The following EED variants were observed in gnomAD, a reference collection of about 807,000 sequenced individuals.
EED encodes the protein embryonic ectoderm development.
In EED, 9 loss-of-function variants were observed where a neutral mutation model predicts 61.0. That is an observed-to-expected ratio of 0.15 (90% CI 0.09 to 0.26). EED has a LOEUF of 0.26. EED is among the 10% of genes least tolerant of loss of function. EED has a pLI of 1.00. For missense variants in EED, 315 were observed against 542.3 expected (o/e 0.58, Z 4.16); for synonymous variants, 187 against 174.4 (o/e 1.07, Z -0.57).
chr11:86,286,197 A>ATT, the EED span, among the ~76,000 whole-genome samples: 1 of 143,988 alleles, frequency 6.9e-6, no homozygotes, highest in Non-Finnish European at 1.5e-5. Context: ...CAGCCAGCTA[A>ATT]TTTTTTTTTT....
chr11:86,250,458 A>G lies in EED; in HGVS notation c.267+10A>G, dbSNP rs749687993. 6.4e-7 allele frequency: 1 copy of G among 1,564,404 alleles called. No homozygotes were observed. The highest frequency in any genetic ancestry group is 1.2e-5 in the South Asian group (1 of 83,606). ...TGTAAATAGTCTCAAGGTATGTGCA[A>G]AAAAAGATCCTTTGGGCTGAATGCT... On this transcript the variant is annotated intron_variant, in intron 2 of 11. Transcript: ENST00000263360.
chr11:86,279,401 A>G (rs976242467), downstream of EED, among the ~76,000 whole-genome samples: 1 of 152,150 alleles, frequency 6.6e-6, no homozygotes, highest in African/African-American at 2.4e-5. Context: ...ACTGGCTAAG[A>G]GGGATTAAGT....
At position 86,277,750 on chromosome 11, in the gene EED, C is replaced by G. The variant is rs989697973; in HGVS notation, c.1126-168C>G. ...AGACACTTGTGATGTATTAATTGCT[C>G]TTATTCATATTTACGAATCAGGAGT... is the stretch of plus-strand genomic sequence containing the variant. On this transcript the variant is annotated intron_variant, in intron 10 of 11. Transcript: ENST00000263360. The G allele has an allele frequency of 1.7e-5, 8 of 469,058 alleles. No homozygotes were observed. In the Admixed American group the frequency reaches 2.7e-4, roughly 16 times the overall value. 29.1% of individuals were successfully genotyped at this position (469,058 alleles called of 1,614,324 possible).
intron 4 of EED, among the ~76,000 whole-genome samples, chr11:86,255,511 T>C (rs1945646423): frequency 6.6e-6 from 1 of 152,118 alleles, no homozygotes; most frequent in Non-Finnish European, 1.5e-5. Context: ...AAAGAATCCA[T>C]TGTGGGATGG....
chr11:86,253,884 C>T (rs1196758039), intron 3 of EED, among the ~76,000 whole-genome samples: 1 of 151,302 alleles, frequency 6.6e-6, no homozygotes, highest in Non-Finnish European at 1.5e-5. Flanking sequence ...CCTGTCTCTA[C>T]TAAAAACACA....
chr11:86,260,232 T>A (rs565056238), intron 6 of EED, among the ~76,000 whole-genome samples: 70 of 152,308 alleles, frequency 4.6e-4, no homozygotes, highest in Middle Eastern at 3.4e-3. Context: ...TTCTTTTTTT[T>A]AAATACTGTT....
chr11:86,271,839 C>T (rs1334831089), intron 9 of EED, among the ~76,000 whole-genome samples: 1 of 150,956 alleles, frequency 6.6e-6, no homozygotes, highest in African/African-American at 2.4e-5. Flanking sequence ...TACATTCCTA[C>T]TTGATCATCC....
chr11:86,250,603 C>T (rs989515256), intron 2 of EED, among the ~76,000 whole-genome samples, 155 bp downstream of exon 2: 1 of 151,336 alleles, frequency 6.6e-6, no homozygotes, highest in Admixed American at 6.6e-5. Flanking sequence ...GTTCAGACTG[C>T]GTATCTATTT....
At chr11:86,286,779 T>G in the EED span, among the ~76,000 whole-genome samples, 3 of 152,092 alleles carry the variant, frequency 2.0e-5, no homozygotes, top group South Asian at 6.2e-4. Flanking sequence ...GAGACTATCC[T>G]GGCTAACACG....
chr11:86,259,543 C>G (rs1460513736), intron 6 of EED, among the ~76,000 whole-genome samples: 2 of 152,140 alleles, frequency 1.3e-5, no homozygotes, highest in Non-Finnish European at 2.9e-5. Flanking sequence ...TCCTCAAACT[C>G]CTGGCCTCAA....
In EED at chr11:86,276,776, A is replaced by C. The variant is rs17210343; in HGVS notation, c.967-204A>C. 0.048 allele frequency: 18,398 copies of C among 381,582 alleles called. 560 individuals are homozygous for C. Among genetic ancestry groups the C allele is most frequent in the East Asian group, 0.097 (2,510 of 25,848 alleles). The allele number at this position is 381,582 out of a possible 1,614,324, so 23.6% of individuals were successfully genotyped here. A position where few individuals can be genotyped will look rare whatever the true frequency, so the allele number is the denominator to read the frequency against. ...ACAATGTGATTCTTTTGTATTATCG[A>C]ATTCTGTTGATAATCAGATTTCTTG... On this transcript the variant is annotated intron_variant, in intron 9 of 11. Coordinates refer to ENST00000263360, the MANE Select transcript of EED (RefSeq NM_003797.5).
chr11:86,250,873 C>T (rs1188303082), intron 2 of EED, among the ~76,000 whole-genome samples: 1 of 151,654 alleles, frequency 6.6e-6, no homozygotes. Context: ...AGTTTCTGTC[C>T]TTTGTTTTAT....
intron 6 of EED, among the ~76,000 whole-genome samples, chr11:86,258,895 C>T (rs1365918459): frequency 1.3e-5 from 2 of 149,050 alleles, no homozygotes; most frequent in Non-Finnish European, 3.0e-5. Flanking sequence ...GAGACAGAGT[C>T]TTGCTTTGGC....
At chr11:86,283,319 A>G (rs1946344364), downstream of EED, among the ~76,000 whole-genome samples, 1 of 152,180 alleles carries the variant, frequency 6.6e-6, no homozygotes. Context: ...TAGATATTGC[A>G]ATTTTCAGGT....
chr11:86,264,426 A>G (rs1282336687), intron 7 of EED, 163 bp downstream of exon 7: 9 of 480,014 alleles, frequency 1.9e-5, no homozygotes, highest in Non-Finnish European at 3.0e-5. Context: ...AAGGAATAAA[A>G]CAAGTAAAGA....
At chr11:86,277,887 A>G in intron 10 of EED, 31 bp from the exon 11 acceptor site, 1 of 1,500,726 alleles carries the variant, frequency 6.7e-7, no homozygotes, top group Non-Finnish European at 8.8e-7. Context: ...AATTTTATTA[A>G]TTTGATGTTT....
chr11:86,275,244 C>A (rs1219601007), intron 9 of EED, among the ~76,000 whole-genome samples: 2 of 152,064 alleles, frequency 1.3e-5, no homozygotes, highest in Non-Finnish European at 2.9e-5. Flanking sequence ...AGTGGACTTA[C>A]AGGAAAAAAC....
chr11:86,284,865 A>G, the EED span, among the ~76,000 whole-genome samples: 1 of 152,124 alleles, frequency 6.6e-6, no homozygotes, highest in South Asian at 2.1e-4. Context: ...TAGTCCCAGC[A>G]CTTTGGGAGG....
rs761609834 is a variant in EED at position 86,255,297 on chromosome 11, C to T, written c.426+10C>T. On this transcript the variant is annotated intron_variant, in intron 4 of 11. Transcript: ENST00000263360. ...TTACGTGGATGCTGATGTATCCTTTCCTGGGTTTTTAATATCTTTAGTCAA... is the reference window on the plus strand; with the variant it reads ...TTACGTGGATGCTGATGTATCCTTTTCTGGGTTTTTAATATCTTTAGTCAA... The T allele has an allele frequency of 9.4e-6, 15 of 1,595,818 alleles. No individual in the cohort carries two copies. The highest frequency in any genetic ancestry group is 1.7e-4 in the Middle Eastern group (1 of 5,994).
Sources: allele counts gnomAD v4.1 joint callset (sites outside exome capture counted in the v4.1 genomes callset), GRCh38; gene constraint gnomAD v4.1.1; transcripts MANE v1.5; gene names NCBI Gene and HGNC (gene_info 2026-07-23, HGNC 2026-07-21).